DENND2A: variants seen among roughly 807,000 people sequenced by gnomAD.
DENND2A encodes DENN domain-containing protein 2A.
In DENND2A, 53 loss-of-function variants were observed where a neutral mutation model predicts 105.3. The observed-to-expected ratio is 0.50, with a 90% CI of 0.40 to 0.63. The LOEUF is 0.63. Ranked by LOEUF, DENND2A falls within the 30% of genes least tolerant of loss-of-function variation. The pLI is 0.00. For synonymous variants in DENND2A, 522 were observed against 508.4 expected (o/e 1.03, Z -0.36); for missense variants, 1,138 against 1,279.6 (o/e 0.89, Z 1.69).
rs1013544362 is a variant in DENND2A, at chr7:140,527,560, G to C, written c.2328-65C>G. On this transcript the variant is annotated intron_variant, in intron 14 of 19. Coordinates refer to ENST00000496613, the MANE Select transcript of DENND2A (RefSeq NM_015689.5). This position sits in a 1 kb window ranked among gnomAD's most constrained non-coding sequence, Gnocchi z 4.9. The stretch of plus-strand genomic sequence containing the variant: ...CGAGGGCCCGAGGAAGCCTCCAGGG[G>C]AGAAGGCTCCTCCCAGAGACAGGAT... 1.6e-5 allele frequency: 24 copies of C among 1,477,300 alleles called. No individual in the cohort carries two copies. The Admixed American group carries it at 3.1e-4, about 19-fold the overall frequency. The allele number at this position is 1,477,300 out of a possible 1,614,324, so 91.5% of individuals were successfully genotyped here.
chr7:140,594,543 G>T (rs1799205768), intron 3 of DENND2A, among the ~76,000 whole-genome samples: 1 of 152,178 alleles, frequency 6.6e-6, no homozygotes, highest in Admixed American at 6.5e-5. Context: ...ATGGCACCAG[G>T]ATTCCTCACA....
chr7:140,554,054 C>T (rs1048988897), intron 12 of DENND2A, among the ~76,000 whole-genome samples: 2 of 151,572 alleles, frequency 1.3e-5, no homozygotes, highest in South Asian at 2.1e-4. Context: ...GGTGAAACCC[C>T]GTCTCTACTA....
intron 9 of DENND2A, among the ~76,000 whole-genome samples, chr7:140,566,704 T>TTTTTTA (rs1797850197): frequency 6.7e-5 from 10 of 149,776 alleles, no homozygotes; most frequent in Admixed American, 1.3e-4. Flanking sequence ...TTTTTTTTTT[T>TTTTTTA]GAGACGGAGT....
intron 1 of DENND2A, among the ~76,000 whole-genome samples, chr7:140,614,867 C>T (rs920798166): frequency 6.6e-6 from 1 of 152,078 alleles, no homozygotes; most frequent in Non-Finnish European, 1.5e-5. Flanking sequence ...TTTAAACAAA[C>T]AAAAATTTTT....
At chr7:140,554,009 C>T (rs976398366) in intron 12 of DENND2A, among the ~76,000 whole-genome samples, 1 of 151,958 alleles carries the variant, frequency 6.6e-6, no homozygotes, top group Non-Finnish European at 1.5e-5. Context: ...GGGCGGATTA[C>T]GAGGTCAGGA....
chr7:140,619,223 A>G (rs1310230333), intron 1 of DENND2A, among the ~76,000 whole-genome samples: 1 of 152,226 alleles, frequency 6.6e-6, no homozygotes, highest in Non-Finnish European at 1.5e-5. Context: ...TCAAAAGTTA[A>G]GCAATGTAAT....
intron 5 of DENND2A, 90 bp from the exon 6 acceptor site, chr7:140,574,098 A>G: frequency 6.9e-7 from 1 of 1,459,726 alleles, no homozygotes; most frequent in Non-Finnish European, 9.5e-7. Context: ...AGACAATGAA[A>G]TTGAGAAGAG....
At chr7:140,622,030 C>G (rs1180647403) in intron 1 of DENND2A, among the ~76,000 whole-genome samples, 2 of 152,216 alleles carry the variant, frequency 1.3e-5, no homozygotes, top group African/African-American at 2.4e-5. Context: ...AAGGCAGAAT[C>G]TGTGAACACA....
intron 16 of DENND2A, among the ~76,000 whole-genome samples, chr7:140,525,254 A>G (rs1048202657): frequency 6.6e-6 from 1 of 150,638 alleles, no homozygotes; most frequent in African/African-American, 2.5e-5. Context: ...TCCTGGGTTC[A>G]AGCAATTCTC....
At chr7:140,542,942 A>G (rs530636038) in intron 14 of DENND2A, among the ~76,000 whole-genome samples, 1 of 151,864 alleles carries the variant, frequency 6.6e-6, no homozygotes, top group South Asian at 2.1e-4. Flanking sequence ...TTTGCCTGCA[A>G]TGTGCTGACT....
chr7:140,585,806 A>G (rs1798758745), intron 4 of DENND2A, 96 bp from the exon 5 acceptor site: 1 of 1,559,492 alleles, frequency 6.4e-7, no homozygotes, highest in Non-Finnish European at 8.7e-7. Flanking sequence ...TCCTGTGTCC[A>G]TTCTTGTAGG....
chr7:140,620,909 G>A (rs1351418345), intron 1 of DENND2A, among the ~76,000 whole-genome samples: 14 of 152,008 alleles, frequency 9.2e-5, no homozygotes. Flanking sequence ...GTCATCCCTT[G>A]GTATCCTCGG....
rs1446194878 is a variant in DENND2A at position 140,527,773 on chromosome 7, C to A, written c.2328-278G>T. Among the ~76,000 whole-genome samples, 2 of 151,998 alleles carry A rather than the reference C, an allele frequency of 1.3e-5. No homozygotes were observed. The highest frequency in any genetic ancestry group is 1.9e-4 in the East Asian group (1 of 5,176). The stretch of plus-strand genomic sequence containing the variant: ...AGCTGCACGCCCTGCACTCTCCCGC[C>A]CTGACCTTTTTTTGTGATCTATACT... On this transcript the variant is annotated intron_variant, in intron 14 of 19. Coordinates refer to ENST00000496613, the MANE Select transcript of DENND2A (RefSeq NM_015689.5). This position sits in a 1 kb window ranked among gnomAD's most constrained non-coding sequence, Gnocchi z 4.9.
chr7:140,526,143 G>C (rs1472294040), intron 15 of DENND2A, among the ~76,000 whole-genome samples: 2 of 152,176 alleles, frequency 1.3e-5, no homozygotes, highest in African/African-American at 4.8e-5. Context: ...GGCCTCCCTG[G>C]CTCCCACCCT....
chr7:140,620,961 G>A (rs1372104015), intron 1 of DENND2A, among the ~76,000 whole-genome samples: 1 of 152,140 alleles, frequency 6.6e-6, no homozygotes, highest in Non-Finnish European at 1.5e-5. Flanking sequence ...AACATTCATG[G>A]ATGCTCAAGT....
intron 1 of DENND2A, among the ~76,000 whole-genome samples, chr7:140,617,894 C>A (rs1280339437): frequency 6.6e-6 from 1 of 152,138 alleles, no homozygotes; most frequent in African/African-American, 2.4e-5. Flanking sequence ...CTTTCATAAA[C>A]CCGGGAAGGA....
At chr7:140,571,659 G>A (rs1245545836) in intron 6 of DENND2A, among the ~76,000 whole-genome samples, 1 of 151,984 alleles carries the variant, frequency 6.6e-6, no homozygotes, top group Non-Finnish European at 1.5e-5. Flanking sequence ...GTCCATGGAC[G>A]GATAGATGGA....
chr7:140,544,574 G>T (rs375246547), intron 14 of DENND2A, 44 bp downstream of exon 14: 7 of 1,613,248 alleles, frequency 4.3e-6, no homozygotes, highest in South Asian at 1.1e-5. Flanking sequence ...GTCCAAGAGC[G>T]ACTGTCATTC....
rs538292407 is a variant in DENND2A, at chr7:140,636,944, C to G, written c.-248+3560G>C. 2.1e-3 allele frequency among the ~76,000 whole-genome samples: 324 copies of G among 152,190 alleles called. 6 individuals carry two copies. In the South Asian group the frequency reaches 0.03, roughly 14 times the overall value. On this transcript the variant is annotated intron_variant, in intron 1 of 19. Coordinates refer to ENST00000496613, the MANE Select transcript of DENND2A (RefSeq NM_015689.5). ...GATGCAATCTTGGCTCATGCAACCT[C>G]CGCCTCCTGGGTTCAAGTGATTCTC...
Sources: allele counts gnomAD v4.1 joint callset (sites outside exome capture counted in the v4.1 genomes callset), GRCh38; gene constraint gnomAD v4.1.1; non-coding constraint Gnocchi (gnomAD v3.1); transcripts MANE v1.5; gene names NCBI Gene and HGNC (gene_info 2026-07-23, HGNC 2026-07-21).